BCAS3: variants seen among roughly 807,000 people sequenced by gnomAD.
BCAS3 encodes BCAS4/BCAS3 fusion.
A neutral mutation model predicts 116.1 loss-of-function variants in BCAS3; 53 were observed. The observed-to-expected ratio is 0.46, with a 90% CI of 0.37 to 0.57. The LOEUF (loss-of-function observed/expected upper bound fraction) is 0.57. BCAS3 is among the 20% of genes least tolerant of loss of function. BCAS3 has a pLI of 0.00. For missense variants in BCAS3, 917 were observed against 1,165.4 expected, an observed-to-expected ratio of 0.79 and a Z score of 3.10; for synonymous variants, 391 against 408.2, an observed-to-expected ratio of 0.96 and a Z score of 0.51.
intron 18 of BCAS3, 145 bp from the exon 19 acceptor site, chr17:61,040,647 C>T: frequency 1.5e-6 from 1 of 683,398 alleles, no homozygotes; most frequent in Non-Finnish European, 2.5e-6. Context: ...GGTTTCATCA[C>T]ATTCATTTTA....
At chr17:60,847,348 A>G (rs75773858) in intron 7 of BCAS3, among the ~76,000 whole-genome samples, 4,601 of 152,198 alleles carry the variant, frequency 0.03, 178 homozygotes, top group East Asian at 0.091. Flanking sequence ...GTATATACCT[A>G]GGAGTAGAAT....
chr17:60,679,382 A>G, intron 1 of BCAS3, 71 bp from the exon 2 acceptor site: 1 of 1,182,238 alleles, frequency 8.5e-7, no homozygotes, highest in South Asian at 1.4e-5. Flanking sequence ...GTAATCATAA[A>G]TCTTCCTCCC....
At chr17:60,691,337 T>C (rs1207095844) in intron 4 of BCAS3, among the ~76,000 whole-genome samples, 1 of 152,130 alleles carries the variant, frequency 6.6e-6, no homozygotes, top group Non-Finnish European at 1.5e-5. Context: ...GAACGTACCA[T>C]TTTTCATTCC....
At chr17:61,318,850 A>G (rs1475576684) in intron 22 of BCAS3, among the ~76,000 whole-genome samples, 1 of 152,170 alleles carries the variant, frequency 6.6e-6, no homozygotes, top group Non-Finnish European at 1.5e-5. Context: ...TCCCGTTGGT[A>G]TGATAATAGC....
rs865862086 is a variant in BCAS3, at chr17:61,366,975, C to T, written c.2426-1352C>T. Among the ~76,000 whole-genome samples, 4 of 152,208 alleles carry T rather than the reference C, an allele frequency of 2.6e-5. No individual in the cohort carries two copies. The highest frequency in any genetic ancestry group is 1.9e-4 in the East Asian group (1 of 5,188). On this transcript the variant is annotated intron_variant, in intron 22 of 23. Coordinates refer to ENST00000407086, the MANE Select transcript of BCAS3 (RefSeq NM_017679.5). The surrounding 1 kb of genome is among the most constrained non-coding windows in gnomAD (Gnocchi z 4.5). ...CACCGGCTGTCGGAGTGTTTACTAA[C>T]GGTTATCACCTCAATGCTGTGGCCA...
chr17:60,741,091 G>A (rs1393188574), intron 5 of BCAS3, among the ~76,000 whole-genome samples: 2 of 152,158 alleles, frequency 1.3e-5, no homozygotes, highest in African/African-American at 4.8e-5. Flanking sequence ...TTCCTACCTT[G>A]GTACTGAGTC....
At chr17:61,030,299 C>G (rs2066539837) in intron 16 of BCAS3, among the ~76,000 whole-genome samples, 1 of 151,980 alleles carries the variant, frequency 6.6e-6, no homozygotes, top group South Asian at 2.1e-4. Context: ...TCATGCTGTC[C>G]ACAGATACTT....
rs567700071 is a variant in BCAS3, at chr17:61,080,152, G to A, written c.2327+1623G>A. On this transcript the variant is annotated intron_variant, in intron 21 of 23. Coordinates refer to ENST00000407086, the MANE Select transcript of BCAS3 (RefSeq NM_017679.5). The stretch of plus-strand genomic sequence containing the variant: ...ACTCCTGACCTCAGGTGATCTGCCC[G>A]CCTCTGCCTCCCAAAGTGTGGGGAC... 4.6e-5 allele frequency among the ~76,000 whole-genome samples: 7 copies of A among 151,770 alleles called. No homozygotes were observed. The East Asian group carries it at 5.9e-4, about 13-fold the overall frequency.
chr17:61,264,668 G>A (rs1383930411), intron 22 of BCAS3, among the ~76,000 whole-genome samples: 3 of 152,088 alleles, frequency 2.0e-5, no homozygotes, highest in Non-Finnish European at 4.4e-5. Flanking sequence ...TCGGCCTCCC[G>A]AAGTGCTGGG....
intron 7 of BCAS3, among the ~76,000 whole-genome samples, chr17:60,858,974 G>A (rs530026590): frequency 5.5e-4 from 83 of 151,934 alleles, no homozygotes; most frequent in Admixed American, 2.7e-3. Context: ...TAGAATTATC[G>A]TCATTTTATT....
chr17:61,223,855 G>T (rs1041552707), intron 22 of BCAS3, among the ~76,000 whole-genome samples: 6 of 152,204 alleles, frequency 3.9e-5, no homozygotes, highest in Admixed American at 6.5e-5. Flanking sequence ...CAAAACAGCT[G>T]ATTTACTACA....
At chr17:61,138,092 G>C (rs2076740198) in intron 22 of BCAS3, among the ~76,000 whole-genome samples, 1 of 152,186 alleles carries the variant, frequency 6.6e-6, no homozygotes, top group Non-Finnish European at 1.5e-5. Context: ...GCACTGTATG[G>C]TAAAACTTTC....
chr17:61,280,929 C>T (rs1182645140), intron 22 of BCAS3, among the ~76,000 whole-genome samples: 8 of 152,174 alleles, frequency 5.3e-5, no homozygotes, highest in Non-Finnish European at 8.8e-5. Flanking sequence ...CCCGCAGTAT[C>T]TAAGCCTTCT....
chr17:61,033,369 A>G (rs2066786652), intron 16 of BCAS3, among the ~76,000 whole-genome samples: 1 of 152,136 alleles, frequency 6.6e-6, no homozygotes, highest in African/African-American at 2.4e-5. Context: ...TGAGCTGGGG[A>G]CAGTGCTTTG....
intron 12 of BCAS3, among the ~76,000 whole-genome samples, chr17:60,911,737 G>A (rs1259293099): frequency 2.0e-5 from 3 of 152,142 alleles, no homozygotes; most frequent in East Asian, 1.9e-4. Context: ...GCCCAGCCAC[G>A]TAAATTTTGT....
chr17:61,345,708 G>A (rs1389279963), intron 22 of BCAS3, among the ~76,000 whole-genome samples: 1 of 152,106 alleles, frequency 6.6e-6, no homozygotes, highest in Non-Finnish European at 1.5e-5. Context: ...GGACTTTACG[G>A]TGGACTTAGT....
In BCAS3 at chr17:61,349,691, A is replaced by G. The variant is rs867311369; in HGVS notation, c.2426-18636A>G. ...GAAGAGGTACCATATGTAGACAAAG[A>G]AGACGTTTTTGGGCAATTGCCATGG... On this transcript the variant is annotated intron_variant, in intron 22 of 23. Coordinates refer to ENST00000407086, the MANE Select transcript of BCAS3 (RefSeq NM_017679.5). The surrounding 1 kb of genome is among the most constrained non-coding windows in gnomAD (Gnocchi z 4.7). Among the ~76,000 whole-genome samples, 4 of 152,356 alleles carry G rather than the reference A, an allele frequency of 2.6e-5. No individual in the cohort carries two copies. Among genetic ancestry groups the G allele is most frequent in the Middle Eastern group, 3.4e-3 (1 of 294 alleles).
rs2058660734 is a variant in BCAS3 at position 61,365,185 on chromosome 17, C to T, written c.2426-3142C>T. Reference sequence around the variant, plus strand: ...GAAGTCCAGGCCTATTTCCATCCACCACTATGACACTAGCTCATGATTCTT... The same window carrying T: ...GAAGTCCAGGCCTATTTCCATCCACTACTATGACACTAGCTCATGATTCTT... On this transcript the variant is annotated intron_variant, in intron 22 of 23. Transcript: ENST00000407086. This position sits in a 1 kb window ranked among gnomAD's most constrained non-coding sequence, Gnocchi z 4.6. Among the ~76,000 whole-genome samples the T allele has an allele frequency of 1.3e-5, 2 of 152,196 alleles. No homozygotes were observed. Among genetic ancestry groups the T allele is most frequent in the African/African-American group, 4.8e-5 (2 of 41,436 alleles).
Position 60,764,584 on chromosome 17 carries a change from T to C in BCAS3, c.403+17305T>C, listed in dbSNP as rs560864498. On this transcript the variant is annotated intron_variant, in intron 6 of 23. Transcript: ENST00000407086. Reference sequence around the variant, plus strand: ...GACAGTTTGTTGTGATTTCTGTTCTTCTATATTTGCTGAGGAGTGCTTTAC... The same window carrying C: ...GACAGTTTGTTGTGATTTCTGTTCTCCTATATTTGCTGAGGAGTGCTTTAC... 2.7e-3 allele frequency among the ~76,000 whole-genome samples: 405 copies of C among 152,320 alleles called. 2 individuals carry two copies. Among genetic ancestry groups the C allele is most frequent in the Non-Finnish European group, 4.1e-3 (282 of 68,022 alleles).
Sources: allele counts gnomAD v4.1 joint callset (sites outside exome capture counted in the v4.1 genomes callset), GRCh38; gene constraint gnomAD v4.1.1; non-coding constraint Gnocchi (gnomAD v3.1); transcripts MANE v1.5; gene names NCBI Gene and HGNC (gene_info 2026-07-23, HGNC 2026-07-21).